SNTB1: variants seen among roughly 807,000 people sequenced by gnomAD.
SNTB1 encodes beta-1-syntrophin.
A neutral mutation model predicts 48.9 loss-of-function variants in SNTB1; 36 were observed. The ratio of observed to expected loss-of-function variants is 0.74; its 90% CI spans 0.56 to 0.97. SNTB1 has a LOEUF of 0.97. SNTB1 is among the 50% of genes least tolerant of loss of function. The pLI, the probability that SNTB1 is intolerant of heterozygous loss-of-function variation, is 0.00. For synonymous variants in SNTB1, 299 were observed against 294.6 expected (o/e 1.01, Z -0.15); for missense variants, 786 against 703.4 (o/e 1.12, Z -1.33).
rs151121036 is a variant in SNTB1, at chr8:120,723,206, C to T, written c.572-29298G>A. 3.2e-4 allele frequency among the ~76,000 whole-genome samples: 49 copies of T among 152,212 alleles called. No individual in the cohort carries two copies. The South Asian group carries it at 6.8e-3, about 21-fold the overall frequency. On this transcript the variant is annotated intron_variant, in intron 1 of 6. Coordinates refer to ENST00000517992, the MANE Select transcript of SNTB1 (RefSeq NM_021021.4). The stretch of plus-strand genomic sequence containing the variant: ...CACAACACTTGTTCTGACTATATTG[C>T]AGCAATGATACTTTTATTGGAAGAA...
chr8:120,651,750 GA>G (rs34372993), intron 2 of SNTB1, among the ~76,000 whole-genome samples: 5 of 152,078 alleles, frequency 3.3e-5, no homozygotes, highest in African/African-American at 7.2e-5. Flanking sequence ...AAGGAAAACG[GA>G]AAAAACTCAA....
At chr8:120,760,032 C>T (rs1328002605) in intron 1 of SNTB1, among the ~76,000 whole-genome samples, 1 of 152,170 alleles carries the variant, frequency 6.6e-6, no homozygotes, top group Non-Finnish European at 1.5e-5. Context: ...CACAAATACT[C>T]AATCTGCCAT....
At chr8:120,672,264 T>G (rs1459714429) in intron 2 of SNTB1, among the ~76,000 whole-genome samples, 4 of 152,220 alleles carry the variant, frequency 2.6e-5, no homozygotes, top group Non-Finnish European at 5.9e-5. Flanking sequence ...TGTAACCCCA[T>G]GTAAGTTGAG....
chr8:120,578,377 C>T (rs892622328), intron 3 of SNTB1, among the ~76,000 whole-genome samples: 3 of 152,128 alleles, frequency 2.0e-5, no homozygotes, highest in African/African-American at 7.2e-5. Context: ...TTGTCAGGCT[C>T]AAATATTGGT....
chr8:120,611,104 A>C (rs1049384121), intron 3 of SNTB1, among the ~76,000 whole-genome samples: 5 of 152,232 alleles, frequency 3.3e-5, no homozygotes, highest in African/African-American at 9.6e-5. Context: ...AGCCCTGAGC[A>C]GGTCTGACCC....
chr8:120,569,236 T>C (rs1275749307), intron 4 of SNTB1, among the ~76,000 whole-genome samples: 3 of 152,178 alleles, frequency 2.0e-5, no homozygotes, highest in African/African-American at 7.2e-5. Flanking sequence ...TACCTCGGCC[T>C]CCCAAAATGC....
At chr8:120,747,557 C>A (rs200146909) in intron 1 of SNTB1, among the ~76,000 whole-genome samples, 1 of 152,078 alleles carries the variant, frequency 6.6e-6, no homozygotes, top group Non-Finnish European at 1.5e-5. Context: ...TCCGAAAGTG[C>A]GAGGATTACA....
At chr8:120,722,670 A>C (rs889925074) in intron 1 of SNTB1, among the ~76,000 whole-genome samples, 2 of 152,066 alleles carry the variant, frequency 1.3e-5, no homozygotes, top group African/African-American at 4.8e-5. Context: ...AGATTGCAAA[A>C]ATTTTCTCCC....
At chr8:120,743,437 C>T (rs955778588) in intron 1 of SNTB1, among the ~76,000 whole-genome samples, 3 of 152,082 alleles carry the variant, frequency 2.0e-5, no homozygotes, top group African/African-American at 7.2e-5. Flanking sequence ...AACTGATATC[C>T]GCAATGCAGG....
intron 2 of SNTB1, among the ~76,000 whole-genome samples, chr8:120,639,236 G>T (rs1275590330): frequency 1.3e-5 from 2 of 151,998 alleles, no homozygotes; most frequent in African/African-American, 4.8e-5. Context: ...TTTTGATGGG[G>T]TTGTTTTTTT....
chr8:120,594,611 C>T (rs938895098), intron 3 of SNTB1, among the ~76,000 whole-genome samples: 2 of 152,102 alleles, frequency 1.3e-5, no homozygotes, highest in Non-Finnish European at 2.9e-5. Context: ...TGGCCTCAAG[C>T]GATCCTCCCA....
chr8:120,618,102 TTC>T (rs1816744170), intron 3 of SNTB1, among the ~76,000 whole-genome samples: 1 of 152,180 alleles, frequency 6.6e-6, no homozygotes, highest in African/African-American at 2.4e-5. Flanking sequence ...CGGAAAGTCT[TTC>T]TCTACCTGAT....
At chr8:120,671,742 C>T (rs758032552) in intron 2 of SNTB1, among the ~76,000 whole-genome samples, 1 of 152,138 alleles carries the variant, frequency 6.6e-6, no homozygotes, top group Admixed American at 6.5e-5. Context: ...AATATACCTG[C>T]CATTTGGAAG....
At chr8:120,807,184 C>A (rs1820348458) in intron 1 of SNTB1, among the ~76,000 whole-genome samples, 1 of 152,230 alleles carries the variant, frequency 6.6e-6, no homozygotes, top group African/African-American at 2.4e-5. Context: ...ACTCCTTGAT[C>A]TCAACAAAGT....
intron 1 of SNTB1, among the ~76,000 whole-genome samples, chr8:120,728,269 C>T (rs1022413828): frequency 1.3e-5 from 2 of 152,134 alleles, no homozygotes; most frequent in Non-Finnish European, 2.9e-5. Flanking sequence ...GCTGGGATTA[C>T]AGGCATGAGC....
Position 120,762,287 on chromosome 8 carries a change from G to T in SNTB1, c.571+48986C>A, listed in dbSNP as rs1819434339. Reference sequence around the variant, plus strand: ...ACTACAGCTCTATTCACTGACAAAGGCCCTGCTGTTTTCAACCAACTGCAG... The same window carrying T: ...ACTACAGCTCTATTCACTGACAAAGTCCCTGCTGTTTTCAACCAACTGCAG... On this transcript the variant is annotated intron_variant, in intron 1 of 6. Coordinates refer to ENST00000517992, the MANE Select transcript of SNTB1 (RefSeq NM_021021.4). Among the ~76,000 whole-genome samples the T allele has an allele frequency of 3.9e-5, 6 of 152,272 alleles. No individual in the cohort carries two copies. In the South Asian group the frequency reaches 1.2e-3, roughly 32 times the overall value.
intron 5 of SNTB1, chr8:120,542,237 T>C (rs1586985271): frequency 2.2e-6 from 1 of 445,852 alleles, no homozygotes; most frequent in Non-Finnish European, 4.0e-6. Context: ...TTTTCTAGGA[T>C]CTACTGAATG....
intron 1 of SNTB1, among the ~76,000 whole-genome samples, chr8:120,791,704 T>C (rs1820039416): frequency 6.6e-6 from 1 of 151,916 alleles, no homozygotes; most frequent in Non-Finnish European, 1.5e-5. Context: ...GAAAAAATGC[T>C]CAACATCAAT....
chr8:120,741,815 G>A lies in SNTB1; in HGVS notation c.572-47907C>T, dbSNP rs1003226541. Among the ~76,000 whole-genome samples, 4 of 152,066 alleles carry A rather than the reference G, an allele frequency of 2.6e-5. No individual in the cohort carries two copies. The East Asian group carries it at 7.7e-4, about 29-fold the overall frequency. On this transcript the variant is annotated intron_variant, in intron 1 of 6. Transcript: ENST00000517992. ...TAAGAATAGTTTTTACATTTTTAAAGGTTGTAAAAAAGAAAAAGAAGGAGA... is the reference window on the plus strand; with the variant it reads ...TAAGAATAGTTTTTACATTTTTAAAAGTTGTAAAAAAGAAAAAGAAGGAGA...
Sources: gnomAD v4.1 joint callset for allele counts (sites outside exome capture counted in the v4.1 genomes callset) on GRCh38, gnomAD v4.1.1 for gene constraint, MANE v1.5 for transcripts, NCBI Gene and HGNC (gene_info 2026-07-23, HGNC 2026-07-21) for gene names.